The following CENPC variants were observed in gnomAD, a reference collection of about 807,000 sequenced individuals.
CENPC encodes the protein CENP-C 1.
In CENPC, 63 loss-of-function variants were observed where a neutral mutation model predicts 112.1. The ratio of observed to expected loss-of-function variants is 0.56; its 90% CI spans 0.46 to 0.69. The LOEUF (loss-of-function observed/expected upper bound fraction) is 0.69. CENPC is among the 30% of genes least tolerant of loss of function. CENPC has a pLI of 0.00. For synonymous variants in CENPC, 333 were observed against 367.6 expected (o/e 0.91, Z 1.08); for missense variants, 1,000 against 1,103.8 (o/e 0.91, Z 1.33).
At chr4:67,510,004 C>G (rs1185328918) in intron 9 of CENPC, among the ~76,000 whole-genome samples, 2 of 152,018 alleles carry the variant, frequency 1.3e-5, no homozygotes, top group African/African-American at 4.8e-5. Flanking sequence ...AACAAACAAA[C>G]CAAAAAAAGC....
chr4:67,522,812 C>A (rs1012789954), intron 5 of CENPC, among the ~76,000 whole-genome samples: 10 of 151,892 alleles, frequency 6.6e-5, no homozygotes, highest in Non-Finnish European at 1.3e-4. Context: ...TGAGCCTGGC[C>A]AACATGGTGA....
intron 14 of CENPC, among the ~76,000 whole-genome samples, 196 bp from the exon 15 acceptor site, chr4:67,493,193 A>G (rs1037165986): frequency 7.2e-5 from 11 of 151,904 alleles, no homozygotes; most frequent in African/African-American, 2.4e-4. Context: ...ATAAAACAGG[A>G]TTAGATGATG....
intron 4 of CENPC, among the ~76,000 whole-genome samples, chr4:67,534,098 G>A (rs924626189): frequency 1.3e-4 from 19 of 150,798 alleles, no homozygotes; most frequent in Admixed American, 5.3e-4. Flanking sequence ...GTCTTTTGTC[G>A]CAGAAAAAAA....
intron 11 of CENPC, 28 bp downstream of exon 11, chr4:67,506,760 A>C (rs765181705): frequency 2.6e-6 from 4 of 1,524,974 alleles, no homozygotes; most frequent in Non-Finnish European, 3.5e-6. Context: ...TAATATATAC[A>C]ACTATTATCC....
At chr4:67,482,796 T>A (rs1033080517) in intron 17 of CENPC, among the ~76,000 whole-genome samples, 1 of 152,164 alleles carries the variant, frequency 6.6e-6, no homozygotes, top group Non-Finnish European at 1.5e-5. Context: ...GGGTACAGTG[T>A]TCACTGTTCA....
At chr4:67,509,249 C>T (rs916577925) in intron 9 of CENPC, 144 bp from the exon 10 acceptor site, 16 of 355,412 alleles carry the variant, frequency 4.5e-5, no homozygotes, top group Admixed American at 1.0e-4. Flanking sequence ...CACACACACA[C>T]ACACACATCT....
At chr4:67,526,225 C>T (rs977465264) in intron 5 of CENPC, among the ~76,000 whole-genome samples, 3 of 151,848 alleles carry the variant, frequency 2.0e-5, no homozygotes, top group Non-Finnish European at 2.9e-5. Flanking sequence ...TCATGTGGGG[C>T]TTAAAACCAA....
intron 4 of CENPC, among the ~76,000 whole-genome samples, chr4:67,537,593 G>T (rs1468416023): frequency 6.6e-6 from 1 of 152,152 alleles, no homozygotes; most frequent in Non-Finnish European, 1.5e-5. Flanking sequence ...AGGAGTTTAA[G>T]ACCAGCCTGG....
chr4:67,519,337 T>G lies in CENPC; in HGVS notation c.497A>C (p.Lys166Thr). Residue 166 changes from lysine to threonine, a missense_variant, in exon 6 of 19, where the codon AAA becomes ACA. Lys to Thr is a moderately conservative substitution (Grantham distance 78, BLOSUM62 -1). Coordinates refer to ENST00000273853, the MANE Select transcript of CENPC (RefSeq NM_001812.4). ...VGSPSVLLDAKTSVSQNVIPS... is the reference protein window; with the variant it reads ...VGSPSVLLDATTSVSQNVIPS... The stretch of plus-strand genomic sequence containing the variant: ...AATAACATTTTGTGATACAGATGTT[T>G]TTGCATCCAAAAGAACAGAAGGTGA... The G allele has an allele frequency of 6.2e-7, 1 of 1,613,020 alleles. No homozygotes were observed.
At chr4:67,497,175 C>A (rs540542209) in intron 12 of CENPC, among the ~76,000 whole-genome samples, 1 of 151,842 alleles carries the variant, frequency 6.6e-6, no homozygotes, top group Non-Finnish European at 1.5e-5. Flanking sequence ...GTCAGGAGTT[C>A]GAGACCAGCC....
intron 6 of CENPC, 47 bp from the exon 7 acceptor site, chr4:67,518,415 T>C (rs1482134902): frequency 3.4e-6 from 5 of 1,460,278 alleles, no homozygotes; most frequent in African/African-American, 1.4e-5. Flanking sequence ...GTAACGTTTC[T>C]TGAGTTATAA....
chr4:67,512,804 A>C (rs1193934358), intron 8 of CENPC, among the ~76,000 whole-genome samples: 2 of 151,714 alleles, frequency 1.3e-5, no homozygotes, highest in Non-Finnish European at 2.9e-5. Context: ...ACTCTTATAT[A>C]CTCCTCAGCC....
chr4:67,491,855 C>T (rs1050939073), intron 16 of CENPC, among the ~76,000 whole-genome samples: 12 of 152,110 alleles, frequency 7.9e-5, no homozygotes, highest in Non-Finnish European at 1.5e-5. Context: ...ATCTACAATT[C>T]CCCATAAACA....
intron 4 of CENPC, among the ~76,000 whole-genome samples, chr4:67,536,338 CA>C (rs1726717917): frequency 1.3e-5 from 2 of 152,124 alleles, no homozygotes; most frequent in Non-Finnish European, 2.9e-5. Context: ...AAAACAGCTC[CA>C]ACCATATGTT....
chr4:67,494,011 A>G (rs747926355), intron 13 of CENPC, 23 bp from the exon 14 acceptor site: 13 of 1,503,774 alleles, frequency 8.6e-6, no homozygotes, highest in Non-Finnish European at 1.2e-5. Flanking sequence ...GTCAGACAAA[A>G]GTGTATACAT....
At chr4:67,510,861 C>T (rs948793042) in intron 9 of CENPC, 16 of 374,880 alleles carry the variant, frequency 4.3e-5, no homozygotes, top group Non-Finnish European at 5.3e-5. Context: ...TCCACTTTTT[C>T]GACTCCCAGC....
rs755558750 is a variant in CENPC at position 67,493,972 on chromosome 4, T to C, written c.2202A>G (p.Thr734=). The change falls in exon 14 of 19, where the codon ACA becomes ACG. Residue 734 remains threonine, a synonymous_variant. Coordinates refer to ENST00000273853, the MANE Select transcript of CENPC (RefSeq NM_001812.4). ...IHHKLVLPSN[T]PNVRRTKRTR... is the part of the protein sequence containing the mutation. Reference sequence around the variant, plus strand: ...TTCTCTTGGTCCTGCGAACATTTGGTGTGTTGGAGGGCAATACTATAAAAA... The same window carrying C: ...TTCTCTTGGTCCTGCGAACATTTGGCGTGTTGGAGGGCAATACTATAAAAA... 2 of 1,610,888 alleles carry C rather than the reference T, an allele frequency of 1.2e-6. No homozygotes were observed. The highest frequency in any genetic ancestry group is 1.7e-6 in the Non-Finnish European group (2 of 1,178,376).
At chr4:67,535,529 T>C (rs1274689557) in intron 4 of CENPC, among the ~76,000 whole-genome samples, 2 of 151,842 alleles carry the variant, frequency 1.3e-5, no homozygotes, top group East Asian at 3.9e-4. Context: ...ACGTTTGTCA[T>C]AGAAAACTGG....
intron 17 of CENPC, 85 bp downstream of exon 17, chr4:67,489,882 A>G (rs1191334694): frequency 8.6e-7 from 1 of 1,168,718 alleles, no homozygotes; most frequent in East Asian, 2.6e-5. Context: ...CATTTCTGAG[A>G]AAACAGCATT....
Sources: gnomAD v4.1 joint callset for allele counts (sites outside exome capture counted in the v4.1 genomes callset) on GRCh38, gnomAD v4.1.1 for gene constraint, MANE v1.5 for transcripts, NCBI Gene and HGNC (gene_info 2026-07-23, HGNC 2026-07-21) for gene names.